The following SLC33A1 variants were observed in gnomAD, a reference collection of about 807,000 sequenced individuals.
SLC33A1 encodes the protein solute carrier family 33 member 1.
In SLC33A1, 20 loss-of-function variants were observed where a neutral mutation model predicts 50.0. The ratio of observed to expected loss-of-function variants is 0.40; its 90% CI spans 0.28 to 0.58. The LOEUF is 0.58. SLC33A1 is among the 20% of genes least tolerant of loss of function. The pLI is 0.44. For synonymous variants in SLC33A1, 265 were observed against 251.8 expected (o/e 1.05, Z -0.50); for missense variants, 476 against 657.0 (o/e 0.72, Z 3.01).
At chr3:155,850,472 T>C (rs548785501) in intron 1 of SLC33A1, among the ~76,000 whole-genome samples, 4 of 140,986 alleles carry the variant, frequency 2.8e-5, no homozygotes, top group Non-Finnish European at 4.4e-5. Flanking sequence ...AATTGGAACT[T>C]TCTCTTAATG....
intron 2 of SLC33A1, among the ~76,000 whole-genome samples, chr3:155,835,487 C>T (rs6441015): frequency 0.2 from 30,030 of 152,118 alleles, 7,543 homozygotes; most frequent in African/African-American, 0.58. Flanking sequence ...GATAAGCAAG[C>T]TGGAAGCTTG....
intron 2 of SLC33A1, among the ~76,000 whole-genome samples, chr3:155,836,748 A>G (rs972361686): frequency 4.6e-5 from 7 of 152,010 alleles, no homozygotes; most frequent in African/African-American, 1.2e-4. Flanking sequence ...TATTTTTTTT[A>G]ATTTACTGGG....
rs986623631 is a variant in SLC33A1, at chr3:155,822,442, G to A, written c.*5768C>T. ...CTATACTATACAAAAAAATTAGCCA[G>A]GTGTGGTGGAAGGCACCTGTAATCC... On this transcript the variant is annotated 3_prime_UTR_variant, in exon 6 of 6. Coordinates refer to ENST00000643144, the MANE Select transcript of SLC33A1 (RefSeq NM_004733.4). 22 of 152,010 alleles carry A rather than the reference G, an allele frequency of 1.4e-4. No homozygotes were observed. Among genetic ancestry groups the A allele is most frequent in the African/African-American group, 5.1e-4 (21 of 41,384 alleles). The allele number at this position is 152,010 out of a possible 1,614,324, so 9.4% of individuals were successfully genotyped here. A position where few individuals can be genotyped will look rare whatever the true frequency, so the allele number is the denominator to read the frequency against.
chr3:155,829,058 C>T (rs1011841531), intron 5 of SLC33A1, among the ~76,000 whole-genome samples: 3 of 151,912 alleles, frequency 2.0e-5, no homozygotes, highest in Admixed American at 6.6e-5. Context: ...CACACCACCC[C>T]GCCCGGCTAA....
At chr3:155,844,457 A>ATTTTT (rs869180951) in intron 1 of SLC33A1, among the ~76,000 whole-genome samples, 1 of 33,590 alleles carries the variant, frequency 3.0e-5, no homozygotes, top group African/African-American at 8.9e-5. Context: ...ATATATATAT[A>ATTTTT]TTTTTTTTTT....
chr3:155,822,797 A>C lies in SLC33A1; in HGVS notation c.*5413T>G, dbSNP rs1254357613. On this transcript the variant is annotated 3_prime_UTR_variant, in exon 6 of 6. Coordinates refer to ENST00000643144, the MANE Select transcript of SLC33A1 (RefSeq NM_004733.4). ...GCAAATTAATATTGCTGATATTTAA[A>C]TATGATCTCTTTCATTACACATTTG... 1 of 152,224 alleles carries C rather than the reference A, an allele frequency of 6.6e-6. No individual in the cohort carries two copies. The highest frequency in any genetic ancestry group is 1.5e-5 in the Non-Finnish European group (1 of 68,044). The allele number at this position is 152,224 out of a possible 1,614,324, so 9.4% of individuals were successfully genotyped here. A position where few individuals can be genotyped will look rare whatever the true frequency, so the allele number is the denominator to read the frequency against.
chr3:155,841,394 T>A (rs1189745234), intron 2 of SLC33A1, among the ~76,000 whole-genome samples: 1 of 152,082 alleles, frequency 6.6e-6, no homozygotes, highest in Non-Finnish European at 1.5e-5. Context: ...CTATTTAAAA[T>A]GAAAACAATG....
intron 2 of SLC33A1, among the ~76,000 whole-genome samples, chr3:155,837,670 A>AT (rs1392839662): frequency 6.6e-6 from 1 of 152,066 alleles, no homozygotes; most frequent in Non-Finnish European, 1.5e-5. Context: ...ACGGAATACT[A>AT]TACAGTAATG....
At chr3:155,839,021 G>A (rs1338489962) in intron 2 of SLC33A1, among the ~76,000 whole-genome samples, 1 of 151,834 alleles carries the variant, frequency 6.6e-6, no homozygotes, top group Non-Finnish European at 1.5e-5. Flanking sequence ...AGGTGCAGTG[G>A]CTCACACCTG....
In SLC33A1 at chr3:155,854,280, C is replaced by G. The variant is rs1753538137; in HGVS notation, c.-283G>C. ...CCGGGCAGCAGCGCCGGGCTCGAGG[C>G]TGGAGGTGTGTGCCGTGGTGCCAGG... On this transcript the variant is annotated 5_prime_UTR_variant, in exon 1 of 6. Transcript: ENST00000643144. The G allele has an allele frequency of 3.1e-6, 1 of 327,866 alleles. No individual in the cohort carries two copies. The highest frequency in any genetic ancestry group is 1.0e-4 in the South Asian group (1 of 9,938). The allele number at this position is 327,866 out of a possible 1,614,324, so 20.3% of individuals were successfully genotyped here. A position where few individuals can be genotyped will look rare whatever the true frequency, so the allele number is the denominator to read the frequency against.
chr3:155,839,157 C>T (rs1464908715), intron 2 of SLC33A1, among the ~76,000 whole-genome samples: 1 of 151,200 alleles, frequency 6.6e-6, no homozygotes, highest in Non-Finnish European at 1.5e-5. Flanking sequence ...AAATAATTAG[C>T]CAGGCATGGT....
Position 155,854,357 on chromosome 3 carries a change from C to G in SLC33A1, c.-360G>C, listed in dbSNP as rs991090422. On this transcript the variant is annotated 5_prime_UTR_variant, in exon 1 of 6. Transcript: ENST00000643144. ...GGATCGAACGGCTGGTCTCCCGACC[C>G]AACACCTCCAGCTCTCGCTGCTATC... The G allele has an allele frequency of 3.3e-5, 7 of 215,270 alleles. No homozygotes were observed. The highest frequency in any genetic ancestry group is 5.5e-5 in the Non-Finnish European group (6 of 108,842). 13.3% of individuals were successfully genotyped at this position (215,270 alleles called of 1,614,324 possible).
chr3:155,829,746 G>A lies in SLC33A1; in HGVS notation c.1424C>T (p.Thr475Ile). Residue 475 changes from threonine (T) to isoleucine (I), a missense_variant, in exon 5 of 6, where the codon ACA becomes ATA. Transcript: ENST00000643144. The stretch of plus-strand genomic sequence containing the variant: ...TGATGCTCCTACACACTCTTTTACT[G>A]TGAGGGGATCTACAAGCCAAAGAGC... The part of the protein sequence containing the change: ...TVALWLVDPL[T>I]VKECVGASNQ... The A allele has an allele frequency of 6.2e-7, 1 of 1,614,068 alleles. No individual in the cohort carries two copies. Among genetic ancestry groups the A allele is most frequent in the Middle Eastern group, 1.6e-4 (1 of 6,062 alleles).
chr3:155,832,993 T>G (rs1324873262), intron 4 of SLC33A1, among the ~76,000 whole-genome samples: 3 of 152,026 alleles, frequency 2.0e-5, no homozygotes, highest in African/African-American at 7.2e-5. Context: ...GGCTTGCACC[T>G]GCATTCCCAG....
In SLC33A1 at chr3:155,821,308, C is replaced by G. The variant is rs1752081864; in HGVS notation, c.*6902G>C. Reference sequence around the variant, plus strand: ...TCTAATTCAAACTTGGACATGGGCACAATAATTTCATAAAGATCTCAACAA... The same window carrying G: ...TCTAATTCAAACTTGGACATGGGCAGAATAATTTCATAAAGATCTCAACAA... On this transcript the variant is annotated 3_prime_UTR_variant, in exon 6 of 6. Transcript: ENST00000643144. 2 of 152,150 alleles carry G rather than the reference C, an allele frequency of 1.3e-5. No individual in the cohort carries two copies. The highest frequency in any genetic ancestry group is 4.8e-5 in the African/African-American group (2 of 41,442). 9.4% of individuals were successfully genotyped at this position (152,150 alleles called of 1,614,324 possible).
At chr3:155,850,795 T>G (rs904262079) in intron 1 of SLC33A1, among the ~76,000 whole-genome samples, 2 of 151,814 alleles carry the variant, frequency 1.3e-5, no homozygotes. Flanking sequence ...TTTTGTATTT[T>G]TAATAGAGAA....
At position 155,828,300 on chromosome 3, in the gene SLC33A1, A is replaced by G. The variant is rs756134272; in HGVS notation, c.1560T>C (p.Ile520=). 2 of 1,606,706 alleles carry G rather than the reference A, an allele frequency of 1.2e-6. No individual in the cohort carries two copies. The highest frequency in any genetic ancestry group is 1.7e-6 in the Non-Finnish European group (2 of 1,173,320). Residue 520 remains isoleucine, a synonymous_variant, in exon 6 of 6, where the codon ATT becomes ATC. Coordinates refer to ENST00000643144, the MANE Select transcript of SLC33A1 (RefSeq NM_004733.4). ...YYVESIICVF[I]GFGWWFFLGP... is the part of the protein sequence containing the mutation. The stretch of plus-strand genomic sequence containing the variant: ...CAAGAAAGAACCACCAACCAAATCC[A>G]ATGAAAACACAAATAATGGACTCCA...
In SLC33A1 at chr3:155,825,803, A is replaced by G. The variant is rs927955935; in HGVS notation, c.*2407T>C. On this transcript the variant is annotated 3_prime_UTR_variant, in exon 6 of 6. Coordinates refer to ENST00000643144, the MANE Select transcript of SLC33A1 (RefSeq NM_004733.4). Reference sequence around the variant, plus strand: ...AATTTATCAGGATCAATCAATCAAGAAAAACACCCACAACATAAAAACAGG... The same window carrying G: ...AATTTATCAGGATCAATCAATCAAGGAAAACACCCACAACATAAAAACAGG... The G allele has an allele frequency of 1.3e-5, 2 of 152,176 alleles. No individual in the cohort carries two copies. The highest frequency in any genetic ancestry group is 4.8e-5 in the African/African-American group (2 of 41,444). The allele number at this position is 152,176 out of a possible 1,614,324, so 9.4% of individuals were successfully genotyped here.
Position 155,823,308 on chromosome 3 carries a change from C to T in SLC33A1, c.*4902G>A, listed in dbSNP as rs992143021. On this transcript the variant is annotated 3_prime_UTR_variant, in exon 6 of 6. Coordinates refer to ENST00000643144, the MANE Select transcript of SLC33A1 (RefSeq NM_004733.4). ...GTTTGACTGGTAGAAAATGAAAGAG[C>T]TCTCAGTCCCAAACCAAATGGTGAT... 1.2e-4 allele frequency: 18 copies of T among 152,178 alleles called. No individual in the cohort carries two copies. The highest frequency in any genetic ancestry group is 1.2e-3 in the Admixed American group (18 of 15,252). 9.4% of individuals were successfully genotyped at this position (152,178 alleles called of 1,614,324 possible).
Sources: gnomAD v4.1 joint callset for allele counts (sites outside exome capture counted in the v4.1 genomes callset) on GRCh38, gnomAD v4.1.1 for gene constraint, MANE v1.5 for transcripts, NCBI Gene and HGNC (gene_info 2026-07-23, HGNC 2026-07-21) for gene names.